The following TIGD3 variants were observed in gnomAD, a reference collection of about 807,000 sequenced individuals.
TIGD3 encodes tigger transposable element-derived protein 3.
Under a neutral mutation model 14.8 loss-of-function variants are expected in TIGD3, and 7 were observed. The ratio of observed to expected loss-of-function variants is 0.47; its 90% CI spans 0.27 to 0.89. The LOEUF (loss-of-function observed/expected upper bound fraction) is 0.89. TIGD3 is among the 40% of genes least tolerant of loss of function. The pLI is 0.13. For synonymous variants in TIGD3, 243 were observed against 269.4 expected, an observed-to-expected ratio of 0.90 and a Z score of 0.96; for missense variants, 581 against 611.0, an observed-to-expected ratio of 0.95 and a Z score of 0.52.
In TIGD3 at chr11:65,356,484, A is replaced by C. The variant is rs2137725893; in HGVS notation, c.676A>C (p.Ile226Leu). The C allele has an allele frequency of 6.2e-7, 1 of 1,606,406 alleles. No homozygotes were observed. The highest frequency in any genetic ancestry group is 2.2e-5 in the East Asian group (1 of 44,802). ...GGCTGCCCCGAGATGCTTCTTTGGG[A>C]TCCGCAGTGAGGCTCTGCCTGCCTC... ...LQAAPRCFFG[I>L]RSEALPASYH... The change falls in exon 2 of 2, where the codon ATC becomes CTC. Residue 226 changes from isoleucine (I) to leucine (L), a missense_variant. Coordinates refer to ENST00000309880, the MANE Select transcript of TIGD3 (RefSeq NM_145719.3). This position sits in a 1 kb window ranked among gnomAD's most constrained non-coding sequence, Gnocchi z 5.2.
In TIGD3 at chr11:65,356,115, C is replaced by T; in HGVS notation, c.307C>T (p.Leu103Phe). Residue 103 changes from leucine to phenylalanine, a missense_variant, in exon 2 of 2, where the codon CTC becomes TTC. Leu to Phe is a conservative substitution (Grantham distance 22). Transcript: ENST00000309880. The surrounding 1 kb of genome is among the most constrained non-coding windows in gnomAD (Gnocchi z 5.2). ...CTGGGACGTGACGGGGCCCATGCTGCTCCACAAAGCCAAGGAGCTGGCCGA... is the reference window on the plus strand; with the variant it reads ...CTGGGACGTGACGGGGCCCATGCTGTTCCACAAAGCCAAGGAGCTGGCCGA... Reference protein sequence around the residue: ...KAWDVTGPMLLHKAKELADIM... With the variant: ...KAWDVTGPMLFHKAKELADIM... 1 of 1,611,470 alleles carries T rather than the reference C, an allele frequency of 6.2e-7. No individual in the cohort carries two copies. The highest frequency in any genetic ancestry group is 2.2e-5 in the East Asian group (1 of 44,888).
At position 65,356,574 on chromosome 11, in the gene TIGD3, C is replaced by G; in HGVS notation, c.766C>G (p.Gln256Glu). 2 of 1,608,688 alleles carry G rather than the reference C, an allele frequency of 1.2e-6. No homozygotes were observed. Among genetic ancestry groups the G allele is most frequent in the Non-Finnish European group, 1.7e-6 (2 of 1,179,940 alleles). ...GGCACAGTTTGACCGGGACATGGGA[C>G]AGCAGGGCCGACAGGTGGCTTTGCT... ...WLAQFDRDMG[Q>E]QGRQVALLLA... is the part of the protein sequence containing the mutation. The change falls in exon 2 of 2, where the codon CAG (glutamine) becomes GAG (glutamate). Residue 256 changes from glutamine (Q) to glutamate (E), a missense_variant. Physicochemically the swap from Gln to Glu is conservative, Grantham distance 29. Transcript: ENST00000309880. The surrounding 1 kb of genome is among the most constrained non-coding windows in gnomAD (Gnocchi z 5.2).
In TIGD3 at chr11:65,356,009, G is replaced by T. The variant is rs773882274; in HGVS notation, c.201G>T (p.Glu67Asp). Reference sequence around the variant, plus strand: ...GGTGCAGCGGCACAGCCAACCGAGAGCGCAAGCGCAAGCGGGAGTCCAAGT... The same window carrying T: ...GGTGCAGCGGCACAGCCAACCGAGATCGCAAGCGCAAGCGGGAGTCCAAGT... ...ADWCSGTANR[E>D]RKRKRESKYS... Residue 67 changes from glutamate to aspartate, a missense_variant, in exon 2 of 2, where the codon GAG (glutamate) becomes GAT (aspartate). Coordinates refer to ENST00000309880, the MANE Select transcript of TIGD3 (RefSeq NM_145719.3). This position sits in a 1 kb window ranked among gnomAD's most constrained non-coding sequence, Gnocchi z 5.2. 6.2e-7 allele frequency: 1 copy of T among 1,613,694 alleles called. No homozygotes were observed. The highest frequency in any genetic ancestry group is 1.1e-5 in the South Asian group (1 of 91,084).
Position 65,355,802 on chromosome 11 carries a change from A to G in TIGD3, c.-7A>G. On this transcript the variant is annotated 5_prime_UTR_variant, in exon 2 of 2. Coordinates refer to ENST00000309880, the MANE Select transcript of TIGD3 (RefSeq NM_145719.3). The stretch of plus-strand genomic sequence containing the variant: ...TTTCCTCCCCGCACAGGTGCCCCGG[A>G]GAGGCCATGGAGCTGAGCAGCAAGA... The G allele has an allele frequency of 6.2e-7, 1 of 1,601,820 alleles. No individual in the cohort carries two copies. The highest frequency in any genetic ancestry group is 2.2e-5 in the East Asian group (1 of 44,682).
At position 65,356,391 on chromosome 11, in the gene TIGD3, G is replaced by A. The variant is rs770746868; in HGVS notation, c.583G>A (p.Val195Ile). 5 of 1,610,902 alleles carry A rather than the reference G, an allele frequency of 3.1e-6. No individual in the cohort carries two copies. Among genetic ancestry groups the A allele is most frequent in the Non-Finnish European group, 3.4e-6 (4 of 1,180,026 alleles). The change falls in exon 2 of 2, where the codon GTA becomes ATA. Residue 195 changes from valine to isoleucine, a missense_variant. Transcript: ENST00000309880. This position sits in a 1 kb window ranked among gnomAD's most constrained non-coding sequence, Gnocchi z 5.2. ...VPGSFGACDQ[V>I]QVLLCANSRG... ...CGGCAGCTTTGGTGCATGTGATCAAGTACAGGTGCTGCTGTGTGCCAACAG... is the reference window on the plus strand; with the variant it reads ...CGGCAGCTTTGGTGCATGTGATCAAATACAGGTGCTGCTGTGTGCCAACAG...
rs150239664 is a variant in TIGD3 at position 65,356,778 on chromosome 11, G to T, written c.970G>T (p.Asp324Tyr). Reference sequence around the variant, plus strand: ...ACTGGCTGCCATCCAAAGCGAGAGGGATGGCACCTCGCTGGCCGAGGCCGG... The same window carrying T: ...ACTGGCTGCCATCCAAAGCGAGAGGTATGGCACCTCGCTGGCCGAGGCCGG... Reference protein sequence around the residue: ...GKLAAIQSERDGTSLAEAGAG... With the variant: ...GKLAAIQSERYGTSLAEAGAG... Residue 324 changes from aspartate (D) to tyrosine (Y), a missense_variant, in exon 2 of 2, where the codon GAT (aspartate) becomes TAT (tyrosine). Asp to Tyr is a radical substitution (Grantham distance 160). Coordinates refer to ENST00000309880, the MANE Select transcript of TIGD3 (RefSeq NM_145719.3). This position sits in a 1 kb window ranked among gnomAD's most constrained non-coding sequence, Gnocchi z 5.2. 2 of 1,612,992 alleles carry T rather than the reference G, an allele frequency of 1.2e-6. No individual in the cohort carries two copies. The highest frequency in any genetic ancestry group is 1.7e-6 in the Non-Finnish European group (2 of 1,179,916).
rs910214055 is a variant in TIGD3, at chr11:65,357,367, A to G, written c.*143A>G. 2 of 792,658 alleles carry G rather than the reference A, an allele frequency of 2.5e-6. No individual in the cohort carries two copies. The highest frequency in any genetic ancestry group is 2.9e-5 in the Admixed American group (1 of 34,406). 49.1% of individuals were successfully genotyped at this position (792,658 alleles called of 1,614,324 possible). ...AGAAGGGAGAGAAGTTGGGACACCA[A>G]GTCTGAGCTTGGAGTGGCAGTCGTC... On this transcript the variant is annotated 3_prime_UTR_variant, in exon 2 of 2. Coordinates refer to ENST00000309880, the MANE Select transcript of TIGD3 (RefSeq NM_145719.3).
At position 65,356,758 on chromosome 11, in the gene TIGD3, C is replaced by A. The variant is rs1210670298; in HGVS notation, c.950C>A (p.Ala317Asp). The A allele has an allele frequency of 6.2e-7, 1 of 1,613,078 alleles. No individual in the cohort carries two copies. Among genetic ancestry groups the A allele is most frequent in the South Asian group, 1.1e-5 (1 of 91,086 alleles). ...CGACACCGGCTGTTGGGCAAACTGG[C>A]TGCCATCCAAAGCGAGAGGGATGGC... is the stretch of plus-strand genomic sequence containing the variant. ...HYRHRLLGKL[A>D]AIQSERDGTS... Residue 317 changes from alanine to aspartate, a missense_variant, in exon 2 of 2, where the codon GCT (alanine) becomes GAT (aspartate). Ala to Asp is a moderately radical substitution (Grantham distance 126). Coordinates refer to ENST00000309880, the MANE Select transcript of TIGD3 (RefSeq NM_145719.3). This position sits in a 1 kb window ranked among gnomAD's most constrained non-coding sequence, Gnocchi z 5.2.
rs763789448 is a variant in TIGD3 at position 65,356,346 on chromosome 11, T to A, written c.538T>A (p.Leu180Met). ...CGTGTTTGGCTGTGCTGAATTGCCC[T>A]TGCTGTATCGGGCAGTGCCCGGCAG... Reference protein sequence around the residue: ...EDVFGCAELPLLYRAVPGSFG... With the variant: ...EDVFGCAELPMLYRAVPGSFG... The change falls in exon 2 of 2, where the codon TTG (leucine) becomes ATG (methionine). Residue 180 changes from leucine to methionine, a missense_variant. By Grantham distance (15) the Leu-to-Met change is conservative. Transcript: ENST00000309880. The surrounding 1 kb of genome is among the most constrained non-coding windows in gnomAD (Gnocchi z 5.2). The A allele has an allele frequency of 6.2e-7, 1 of 1,612,140 alleles. No homozygotes were observed. Among genetic ancestry groups the A allele is most frequent in the Non-Finnish European group, 8.5e-7 (1 of 1,180,026 alleles).
chr11:65,356,137 C>T lies in TIGD3; in HGVS notation c.329C>T (p.Ala110Val). ...PMLLHKAKEL[A>V]DIMGQDFVPS... is the part of the protein sequence containing the mutation. Reference sequence around the variant, plus strand: ...CTGCTCCACAAAGCCAAGGAGCTGGCCGATATCATGGGCCAGGACTTCGTG... The same window carrying T: ...CTGCTCCACAAAGCCAAGGAGCTGGTCGATATCATGGGCCAGGACTTCGTG... The change falls in exon 2 of 2, where the codon GCC (alanine) becomes GTC (valine). Residue 110 changes from alanine (A) to valine (V), a missense_variant. Coordinates refer to ENST00000309880, the MANE Select transcript of TIGD3 (RefSeq NM_145719.3). This position sits in a 1 kb window ranked among gnomAD's most constrained non-coding sequence, Gnocchi z 5.2. The T allele has an allele frequency of 1.2e-6, 2 of 1,611,788 alleles. No homozygotes were observed. The highest frequency in any genetic ancestry group is 8.5e-7 in the Non-Finnish European group (1 of 1,180,024).
rs776235555 is a variant in TIGD3 at position 65,356,394 on chromosome 11, C to T, written c.586C>T (p.Gln196Ter). ...CAGCTTTGGTGCATGTGATCAAGTA[C>T]AGGTGCTGCTGTGTGCCAACAGCAG... Reference protein sequence around the residue: ...PGSFGACDQVQVLLCANSRGT... With the variant: ...PGSFGACDQV Residue 196 changes from glutamine (Q) to a stop codon, truncating the protein, a stop_gained, in exon 2 of 2, where the codon CAG becomes TAG. Transcript: ENST00000309880. LOFTEE classifies it high-confidence loss of function. The surrounding 1 kb of genome is among the most constrained non-coding windows in gnomAD (Gnocchi z 5.2). 1.2e-6 allele frequency: 2 copies of T among 1,610,904 alleles called. No homozygotes were observed. The highest frequency in any genetic ancestry group is 2.2e-5 in the East Asian group (1 of 44,890).
chr11:65,355,597 C>A (rs1286346658), intron 1 of TIGD3, among the ~76,000 whole-genome samples, 196 bp from the exon 2 acceptor site: 1 of 152,092 alleles, frequency 6.6e-6, no homozygotes, highest in African/African-American at 2.4e-5. Flanking sequence ...GACGCCCCCT[C>A]CCCAGCTCTG....
At chr11:65,355,715 C>A (rs536962368) in intron 1 of TIGD3, 78 bp from the exon 2 acceptor site, 14 of 1,255,336 alleles carry the variant, frequency 1.1e-5, no homozygotes. Context: ...CATCTAATCT[C>A]TTTTCCCTCC....
In TIGD3 at chr11:65,355,954, G is replaced by T; in HGVS notation, c.146G>T (p.Cys49Phe). 5.0e-6 allele frequency: 8 copies of T among 1,613,922 alleles called. No individual in the cohort carries two copies. Among genetic ancestry groups the T allele is most frequent in the Non-Finnish European group, 6.8e-6 (8 of 1,180,050 alleles). The change falls in exon 2 of 2, where the codon TGC becomes TTC. Residue 49 changes from cysteine (C) to phenylalanine (F), a missense_variant. Transcript: ENST00000309880. ...QVSQPQISRI[C>F]KNKEKLLADW... ...TCCCAGCCCCAGATCTCGCGCATCTGCAAGAATAAGGAGAAGCTGCTGGCG... is the reference window on the plus strand; with the variant it reads ...TCCCAGCCCCAGATCTCGCGCATCTTCAAGAATAAGGAGAAGCTGCTGGCG...
Position 65,356,112 on chromosome 11 carries a change from C to G in TIGD3, c.304C>G (p.Leu102Val). 6.2e-7 allele frequency: 1 copy of G among 1,611,390 alleles called. No homozygotes were observed. Among genetic ancestry groups the G allele is most frequent in the Non-Finnish European group, 8.5e-7 (1 of 1,180,030 alleles). The change falls in exon 2 of 2, where the codon CTG becomes GTG. Residue 102 changes from leucine to valine, a missense_variant. By Grantham distance (32) the Leu-to-Val change is conservative. Transcript: ENST00000309880. The surrounding 1 kb of genome is among the most constrained non-coding windows in gnomAD (Gnocchi z 5.2). ...GGCCTGGGACGTGACGGGGCCCATG[C>G]TGCTCCACAAAGCCAAGGAGCTGGC... is the stretch of plus-strand genomic sequence containing the variant. ...AKAWDVTGPM[L>V]LHKAKELADI...
chr11:65,355,737 C>G, intron 1 of TIGD3, 56 bp from the exon 2 acceptor site: 2 of 1,439,548 alleles, frequency 1.4e-6, no homozygotes, highest in South Asian at 1.3e-5. Context: ...GCGCTCCTTT[C>G]CTAGCTCTTC....
At position 65,355,903 on chromosome 11, in the gene TIGD3, C is replaced by T. The variant is rs774685429; in HGVS notation, c.95C>T (p.Ser32Leu). The change falls in exon 2 of 2, where the codon TCG (serine) becomes TTG (leucine). Residue 32 changes from serine (S) to leucine (L), a missense_variant. By Grantham distance (145) the Ser-to-Leu change is moderately radical (BLOSUM62 -2). Coordinates refer to ENST00000309880, the MANE Select transcript of TIGD3 (RefSeq NM_145719.3). ...ELLDESKMSQ[S>L]EVARRFQVSQ... is the part of the protein sequence containing the mutation. ...CTGGATGAGTCCAAGATGTCCCAGTCGGAGGTGGCCCGGCGCTTCCAGGTT... is the reference window on the plus strand; with the variant it reads ...CTGGATGAGTCCAAGATGTCCCAGTTGGAGGTGGCCCGGCGCTTCCAGGTT... 4 of 1,613,818 alleles carry T rather than the reference C, an allele frequency of 2.5e-6. No homozygotes were observed. The highest frequency in any genetic ancestry group is 2.7e-5 in the African/African-American group (2 of 74,936).
In TIGD3 at chr11:65,356,163, C is replaced by G. The variant is rs759029787; in HGVS notation, c.355C>G (p.Pro119Ala). Residue 119 changes from proline to alanine, a missense_variant, in exon 2 of 2, where the codon CCC (proline) becomes GCC (alanine). Coordinates refer to ENST00000309880, the MANE Select transcript of TIGD3 (RefSeq NM_145719.3). The surrounding 1 kb of genome is among the most constrained non-coding windows in gnomAD (Gnocchi z 5.2). ...LADIMGQDFV[P>A]SIGWLVRWKR... ...CGATATCATGGGCCAGGACTTCGTG[C>G]CCAGCATCGGCTGGCTGGTCCGCTG... 2 of 1,612,280 alleles carry G rather than the reference C, an allele frequency of 1.2e-6. No individual in the cohort carries two copies. The highest frequency in any genetic ancestry group is 1.7e-6 in the Non-Finnish European group (2 of 1,180,010).
rs1204989180 is a variant in TIGD3, at chr11:65,356,594, T to C, written c.786T>C (p.Ala262=). 1 of 1,610,572 alleles carries C rather than the reference T, an allele frequency of 6.2e-7. No homozygotes were observed. The highest frequency in any genetic ancestry group is 8.5e-7 in the Non-Finnish European group (1 of 1,179,954). Residue 262 remains alanine (A), a synonymous_variant, in exon 2 of 2, where the codon GCT becomes GCC. Transcript: ENST00000309880. This position sits in a 1 kb window ranked among gnomAD's most constrained non-coding sequence, Gnocchi z 5.2. ...RDMGQQGRQV[A]LLLAARVVEE... ...TGGGACAGCAGGGCCGACAGGTGGC[T>C]TTGCTGCTGGCTGCCCGAGTGGTGG...
Sources: gnomAD v4.1 joint callset for allele counts (sites outside exome capture counted in the v4.1 genomes callset) on GRCh38, gnomAD v4.1.1 for gene constraint, Gnocchi (gnomAD v3.1) non-coding constraint, MANE v1.5 for transcripts, NCBI Gene and HGNC (gene_info 2026-07-23, HGNC 2026-07-21) for gene names.